LGR4: variants seen among roughly 807,000 people sequenced by gnomAD.
LGR4 encodes leucine-rich repeat-containing G protein-coupled receptor 4.
A neutral mutation model predicts 84.8 loss-of-function variants in LGR4; 44 were observed. The observed-to-expected ratio is 0.52, with a 90% CI of 0.41 to 0.67. The LOEUF is 0.67. LGR4 is among the 30% of genes least tolerant of loss of function. The pLI is 0.00. For synonymous variants in LGR4, 429 were observed against 434.3 expected (o/e 0.99, Z 0.15); for missense variants, 1,032 against 1,131.4 (o/e 0.91, Z 1.26).
chr11:27,390,262 T>C (rs906990959), intron 4 of LGR4, among the ~76,000 whole-genome samples: 2 of 152,156 alleles, frequency 1.3e-5, no homozygotes, highest in African/African-American at 2.4e-5. Context: ...TTTGCAGTTA[T>C]TTCAAAGTAT....
intron 2 of LGR4, among the ~76,000 whole-genome samples, chr11:27,412,565 T>C (rs1863731057): frequency 6.6e-6 from 1 of 152,150 alleles, no homozygotes; most frequent in Admixed American, 6.6e-5. Flanking sequence ...CCTATGGAAG[T>C]AGCATTTTTT....
At chr11:27,386,750 T>G (rs909325218) in intron 4 of LGR4, among the ~76,000 whole-genome samples, 1 of 152,082 alleles carries the variant, frequency 6.6e-6, no homozygotes, top group African/African-American at 2.4e-5. Flanking sequence ...TCCTGGTGAG[T>G]ATCTGATGGA....
At chr11:27,371,028 G>A (rs1862873831) in intron 17 of LGR4, among the ~76,000 whole-genome samples, 3 of 152,038 alleles carry the variant, frequency 2.0e-5, no homozygotes, top group South Asian at 4.1e-4. Flanking sequence ...TTATAATTCT[G>A]AGTCATAAAA....
At chr11:27,452,616 T>C (rs1171910452) in intron 1 of LGR4, among the ~76,000 whole-genome samples, 2 of 149,486 alleles carry the variant, frequency 1.3e-5, no homozygotes, top group Non-Finnish European at 2.9e-5. Flanking sequence ...AGTATACAAC[T>C]TTTTGAGTTT....
chr11:27,445,517 A>G (rs998362203), intron 1 of LGR4, among the ~76,000 whole-genome samples: 2 of 152,170 alleles, frequency 1.3e-5, no homozygotes, highest in Admixed American at 1.3e-4. Context: ...AGGGCTTCAT[A>G]AATGTTAAAA....
At chr11:27,437,660 AGTGTGTGTGTGT>A (rs10659033) in intron 1 of LGR4, among the ~76,000 whole-genome samples, 28 of 140,140 alleles carry the variant, frequency 2.0e-4, no homozygotes, top group African/African-American at 5.6e-4. Context: ...TTAAAGGACT[AGTGTGTGTGTGT>A]GTGTGTGTGT....
Position 27,374,025 on chromosome 11 carries a change from T to C in LGR4, c.1203A>G (p.Ile401Met), listed in dbSNP as rs769897714. 9.9e-6 allele frequency: 16 copies of C among 1,611,550 alleles called. No homozygotes were observed. Among genetic ancestry groups the C allele is most frequent in the Non-Finnish European group, 1.4e-5 (16 of 1,177,800 alleles). The change falls in exon 14 of 18, where the codon ATA becomes ATG. Residue 401 changes from isoleucine to methionine, a missense_variant. By Grantham distance (10) the Ile-to-Met change is conservative (BLOSUM62 1). Transcript: ENST00000379214. ...LRILDLSRNL[I>M]HEIHSRAFAT... The stretch of plus-strand genomic sequence containing the variant: ...CAAAAGCTCTACTGTGAATTTCATG[T>C]ATCAGGTTTCTACTCAGATCTCTGC...
At chr11:27,455,469 TTAATA>T (rs1297525591) in intron 1 of LGR4, among the ~76,000 whole-genome samples, 27 of 152,260 alleles carry the variant, frequency 1.8e-4, no homozygotes, top group African/African-American at 6.3e-4. Context: ...TATAAACAGG[TTAATA>T]TAATATACAC....
At chr11:27,463,968 G>A (rs1194512986) in intron 1 of LGR4, among the ~76,000 whole-genome samples, 1 of 152,144 alleles carries the variant, frequency 6.6e-6, no homozygotes, top group Non-Finnish European at 1.5e-5. Flanking sequence ...TTTAAAATAC[G>A]CAAAATCTGA....
At chr11:27,387,013 T>A (rs1417684246) in intron 4 of LGR4, among the ~76,000 whole-genome samples, 1 of 152,136 alleles carries the variant, frequency 6.6e-6, no homozygotes, top group Non-Finnish European at 1.5e-5. Flanking sequence ...GATAGAACTG[T>A]GTTCAAACAT....
At chr11:27,385,977 T>C (rs945180139) in intron 4 of LGR4, among the ~76,000 whole-genome samples, 1 of 152,176 alleles carries the variant, frequency 6.6e-6, no homozygotes, top group African/African-American at 2.4e-5. Flanking sequence ...AGAATCTAAA[T>C]AGATTTTCAA....
intron 2 of LGR4, among the ~76,000 whole-genome samples, chr11:27,394,874 G>A (rs1863357824): frequency 6.6e-6 from 1 of 151,932 alleles, no homozygotes; most frequent in African/African-American, 2.4e-5. Flanking sequence ...ATGCCTTCAA[G>A]AACAGGATGT....
chr11:27,431,631 T>C (rs1022226009), intron 1 of LGR4, among the ~76,000 whole-genome samples: 1 of 152,222 alleles, frequency 6.6e-6, no homozygotes, highest in African/African-American at 2.4e-5. Context: ...CCTTCTGTTT[T>C]TCTTCTTCCA....
rs537187679 is a variant in LGR4, at chr11:27,470,738, A to G, written c.185+1380T>C. ...GAAAAAAAAAAAAAACCTCAAATAC[A>G]TAACTAAAACTAACCTGAGACAGGA... On this transcript the variant is annotated intron_variant, in intron 1 of 17. Transcript: ENST00000379214. Among the ~76,000 whole-genome samples, 345 of 151,476 alleles carry G rather than the reference A, an allele frequency of 2.3e-3. 2 individuals carry two copies. The highest frequency in any genetic ancestry group is 4.1e-3 in the Non-Finnish European group (281 of 67,900).
chr11:27,470,167 A>G (rs1369207715), intron 1 of LGR4, among the ~76,000 whole-genome samples: 1 of 152,150 alleles, frequency 6.6e-6, no homozygotes, highest in Non-Finnish European at 1.5e-5. Flanking sequence ...TAGTTTAGGC[A>G]CTCTAATTGA....
intron 1 of LGR4, among the ~76,000 whole-genome samples, chr11:27,443,977 A>G (rs1864345137): frequency 6.6e-6 from 1 of 152,224 alleles, no homozygotes; most frequent in Non-Finnish European, 1.5e-5. Flanking sequence ...ATAACCCTGT[A>G]GCATTTTCCT....
chr11:27,445,486 C>A (rs976012955), intron 1 of LGR4, among the ~76,000 whole-genome samples: 4 of 152,250 alleles, frequency 2.6e-5, no homozygotes, highest in Admixed American at 1.3e-4. Context: ...AAGCTCTTAG[C>A]ATGATATCTG....
Position 27,367,224 on chromosome 11 carries a change from C to T in LGR4, c.*643G>A, listed in dbSNP as rs1481653474. The T allele has an allele frequency of 1.3e-5, 2 of 152,162 alleles. No individual in the cohort carries two copies. Among genetic ancestry groups the T allele is most frequent in the African/African-American group, 4.8e-5 (2 of 41,432 alleles). The allele number at this position is 152,162 out of a possible 1,614,324, so 9.4% of individuals were successfully genotyped here. A position where few individuals can be genotyped will look rare whatever the true frequency, so the allele number is the denominator to read the frequency against. ...TGTATAATGACTGAAAACAAATGTCCAGCTATTTTTTTAACCTAACAGCTG... is the reference window on the plus strand; with the variant it reads ...TGTATAATGACTGAAAACAAATGTCTAGCTATTTTTTTAACCTAACAGCTG... On this transcript the variant is annotated 3_prime_UTR_variant, in exon 18 of 18. Coordinates refer to ENST00000379214, the MANE Select transcript of LGR4 (RefSeq NM_018490.5).
intron 1 of LGR4, among the ~76,000 whole-genome samples, chr11:27,449,639 A>AAG (rs1565097395): frequency 2.0e-5 from 3 of 151,958 alleles, no homozygotes; most frequent in Non-Finnish European, 4.4e-5. Context: ...GAAAAAAAAA[A>AAG]GAAGAAGACC....
Sources: gnomAD v4.1 joint callset for allele counts (sites outside exome capture counted in the v4.1 genomes callset) on GRCh38, gnomAD v4.1.1 for gene constraint, MANE v1.5 for transcripts, NCBI Gene and HGNC (gene_info 2026-07-23, HGNC 2026-07-21) for gene names.